Variants in MCF2L observed in about 807,000 individuals in gnomAD.
MCF2L encodes the protein MCF.2 cell line derived transforming sequence like.
In MCF2L, 97 loss-of-function variants were observed where a neutral mutation model predicts 153.4. The observed-to-expected ratio is 0.63, with a 90% confidence interval of 0.54 to 0.75. The LOEUF is 0.75. Ranked by LOEUF, MCF2L falls within the 30% of genes least tolerant of loss-of-function variation. The pLI, the probability that MCF2L is intolerant of heterozygous loss-of-function variation, is 0.00. For missense variants in MCF2L, 1,347 were observed against 1,495.2 expected, an observed-to-expected ratio of 0.90 and a Z score of 1.64; for synonymous variants, 659 against 632.2, an observed-to-expected ratio of 1.04 and a Z score of -0.64.
In MCF2L at chr13:113,045,755, C is replaced by T. The variant is rs1419313453; in HGVS notation, c.369+394C>T. ...GCTGTGACACTGAACGAGCCACCAC[C>T]GCCTCCCTTCCCCAGTGGGATTGAA... On this transcript the variant is annotated intron_variant, in intron 4 of 29. Coordinates refer to ENST00000535094, the MANE Select transcript of MCF2L (RefSeq NM_001112732.3). This position sits in a 1 kb window ranked among gnomAD's most constrained non-coding sequence, Gnocchi z 4.2. 1.2e-5 allele frequency: 3 copies of T among 246,428 alleles called. No homozygotes were observed. The highest frequency in any genetic ancestry group is 6.5e-5 in the South Asian group (1 of 15,356). The allele number at this position is 246,428 out of a possible 1,614,324, so 15.3% of individuals were successfully genotyped here. A position where few individuals can be genotyped will look rare whatever the true frequency, so the allele number is the denominator to read the frequency against.
In MCF2L at chr13:113,065,090, A is replaced by G. The variant is rs780954643; in HGVS notation, c.756+5A>G. 5 of 1,401,240 alleles carry G rather than the reference A, an allele frequency of 3.6e-6. No homozygotes were observed. Among genetic ancestry groups the G allele is most frequent in the Admixed American group, 2.0e-5 (1 of 51,018 alleles). The allele number at this position is 1,401,240 out of a possible 1,614,324, so 86.8% of individuals were successfully genotyped here. On this transcript the variant is annotated splice_donor_5th_base_variant and intron_variant, in intron 7 of 29. Transcript: ENST00000535094. ...GAGAAGAAGGACAAGGCGAAGGTAC[A>G]TGGGGGGTGCTCCGGCTGGAAGCTG... is the stretch of plus-strand genomic sequence containing the variant.
intron 1 of MCF2L, among the ~76,000 whole-genome samples, chr13:112,990,683 G>T: frequency 6.6e-6 from 1 of 152,238 alleles, no homozygotes; most frequent in Non-Finnish European, 1.5e-5. Context: ...AAATGAATTA[G>T]CAGAAGATGA....
intron 3 of MCF2L, among the ~76,000 whole-genome samples, chr13:113,039,574 A>G (rs907148285): frequency 4.6e-5 from 7 of 152,244 alleles, no homozygotes; most frequent in African/African-American, 7.2e-5. Context: ...TGCACATCCA[A>G]TAAGAAACTT....
At chr13:112,955,846 C>T (rs2081750499) in intron 2 of MCF2L, among the ~76,000 whole-genome samples, 1 of 152,158 alleles carries the variant, frequency 6.6e-6, no homozygotes, top group Admixed American at 6.5e-5. Flanking sequence ...CAGGAGATCC[C>T]CAGAAACGCT....
At position 112,974,020 on chromosome 13, in the gene MCF2L, G is replaced by T. The variant is rs570264287; in HGVS notation, c.79+4562G>T. Among the ~76,000 whole-genome samples the T allele has an allele frequency of 5.9e-5, 9 of 152,118 alleles. No individual in the cohort carries two copies. In the East Asian group the frequency reaches 1.5e-3, roughly 26 times the overall value. On this transcript the variant is annotated intron_variant, in intron 1 of 29. Coordinates refer to ENST00000535094, the MANE Select transcript of MCF2L (RefSeq NM_001112732.3). ...TCCTGACTCTTCCACTGCCCCCTCTGACCCCATCCCCCACTGTTTCATCAG... is the reference window on the plus strand; with the variant it reads ...TCCTGACTCTTCCACTGCCCCCTCTTACCCCATCCCCCACTGTTTCATCAG...
At chr13:112,917,259 G>A (rs1443519540) in intron 2 of MCF2L, 1 of 453,660 alleles carries the variant, frequency 2.2e-6, no homozygotes, top group East Asian at 7.0e-5. Context: ...GTCTCCCAGA[G>A]CCGCGTCATC....
At position 112,920,215 on chromosome 13, in the gene MCF2L, G is replaced by A. The variant is rs116024816; in HGVS notation, c.169+17844G>A. Reference sequence around the variant, plus strand: ...AAGAGCTCACGTATGGGTACATGGCGGAGAGGTGGGAGGAGGCGTGTGTCT... The same window carrying A: ...AAGAGCTCACGTATGGGTACATGGCAGAGAGGTGGGAGGAGGCGTGTGTCT... On this transcript the variant is annotated intron_variant, in intron 2 of 29. Coordinates refer to the MCF2L transcript ENST00000375608. Among the ~76,000 whole-genome samples, 61 of 152,318 alleles carry A rather than the reference G, an allele frequency of 4.0e-4. No homozygotes were observed. In the East Asian group the frequency reaches 5.4e-3, roughly 14 times the overall value.
At chr13:113,017,118 G>A (rs1412966416) in intron 2 of MCF2L, among the ~76,000 whole-genome samples, 2 of 152,194 alleles carry the variant, frequency 1.3e-5, no homozygotes, top group Non-Finnish European at 1.5e-5. Context: ...TGGCAGCCTC[G>A]GGTGTGTGCG....
intron 3 of MCF2L, among the ~76,000 whole-genome samples, chr13:113,037,540 T>C (rs1294512975): frequency 6.6e-6 from 1 of 152,202 alleles, no homozygotes; most frequent in Non-Finnish European, 1.5e-5. Context: ...GGAAACAGGT[T>C]CAAAACCCAC....
rs1037312344 is a variant in MCF2L, at chr13:112,907,105, C to T, written c.169+4734C>T. Among the ~76,000 whole-genome samples the T allele has an allele frequency of 6.6e-6, 1 of 152,084 alleles. No homozygotes were observed. The highest frequency in any genetic ancestry group is 1.5e-5 in the Non-Finnish European group (1 of 68,016). ...ATTCCATGGCTGGACCTAATACTTC[C>T]ATGCTTTATGGTAGGAGATTACACA... On this transcript the variant is annotated intron_variant, in intron 2 of 29. Coordinates refer to the MCF2L transcript ENST00000375608. The surrounding 1 kb of genome is among the most constrained non-coding windows in gnomAD (Gnocchi z 5.1).
intron 3 of MCF2L, among the ~76,000 whole-genome samples, chr13:113,036,575 G>A (rs541532843): frequency 6.6e-6 from 1 of 152,338 alleles, no homozygotes; most frequent in South Asian, 2.1e-4. Flanking sequence ...GGGGGCAAGT[G>A]CGGGGTGGGT....
intron 1 of MCF2L, among the ~76,000 whole-genome samples, chr13:113,014,275 G>A (rs922593431): frequency 1.3e-5 from 2 of 152,354 alleles, no homozygotes; most frequent in Non-Finnish European, 2.9e-5. Context: ...ACAGACCCCC[G>A]AGGGTCCTGT....
At position 113,046,708 on chromosome 13, in the gene MCF2L, G is replaced by C; in HGVS notation, c.369+1347G>C. On this transcript the variant is annotated intron_variant, in intron 4 of 29. Coordinates refer to ENST00000535094, the MANE Select transcript of MCF2L (RefSeq NM_001112732.3). This position sits in a 1 kb window ranked among gnomAD's most constrained non-coding sequence, Gnocchi z 4.4. Reference sequence around the variant, plus strand: ...AGTCTTTAGGATGAGGCATCTCCTTGCACCCCCACGGCACCTCTCTGCCCC... The same window carrying C: ...AGTCTTTAGGATGAGGCATCTCCTTCCACCCCCACGGCACCTCTCTGCCCC... 3.8e-6 allele frequency: 2 copies of C among 522,950 alleles called. No homozygotes were observed. The highest frequency in any genetic ancestry group is 7.9e-6 in the Non-Finnish European group (2 of 253,860). 32.4% of individuals were successfully genotyped at this position (522,950 alleles called of 1,614,324 possible). A position where few individuals can be genotyped will look rare whatever the true frequency, so the allele number is the denominator to read the frequency against.
At chr13:112,901,813 A>G (rs2081122090) in intron 1 of MCF2L, among the ~76,000 whole-genome samples, 1 of 152,260 alleles carries the variant, frequency 6.6e-6, no homozygotes, top group African/African-American at 2.4e-5. Context: ...ACTGATTTTG[A>G]AAGTTTGCCA....
chr13:113,017,430 G>A (rs1566742384), intron 2 of MCF2L, among the ~76,000 whole-genome samples: 4 of 152,128 alleles, frequency 2.6e-5, no homozygotes, highest in East Asian at 1.9e-4. Flanking sequence ...CCTTTCTCCC[G>A]GGACACCCGT....
chr13:113,003,473 G>T (rs918698347), intron 1 of MCF2L, among the ~76,000 whole-genome samples: 1 of 152,054 alleles, frequency 6.6e-6, no homozygotes, highest in Non-Finnish European at 1.5e-5. Flanking sequence ...TGGCTGTGGG[G>T]CACCGTGGAA....
intron 2 of MCF2L, among the ~76,000 whole-genome samples, chr13:113,016,296 G>A (rs2084509271): frequency 6.6e-6 from 1 of 152,212 alleles, no homozygotes; most frequent in South Asian, 2.1e-4. Flanking sequence ...TTTGACACAA[G>A]GGGGTTCTCT....
chr13:113,053,077 C>T lies in MCF2L; in HGVS notation c.370-7516C>T, dbSNP rs2087474838. Among the ~76,000 whole-genome samples the T allele has an allele frequency of 6.6e-6, 1 of 152,204 alleles. No individual in the cohort carries two copies. The highest frequency in any genetic ancestry group is 6.5e-5 in the Admixed American group (1 of 15,282). ...TGCTGGTGAGAGCCGGCTCTGCCAT[C>T]GTGTCAGTTCATCCCGGATTGCTGA... is the stretch of plus-strand genomic sequence containing the variant. On this transcript the variant is annotated intron_variant, in intron 4 of 29. Transcript: ENST00000535094. The surrounding 1 kb of genome is among the most constrained non-coding windows in gnomAD (Gnocchi z 4.4).
At position 113,085,071 on chromosome 13, in the gene MCF2L, C is replaced by T. The variant is rs1221247633; in HGVS notation, c.2155-15C>T. 4 of 1,613,416 alleles carry T rather than the reference C, an allele frequency of 2.5e-6. No individual in the cohort carries two copies. The highest frequency in any genetic ancestry group is 2.5e-6 in the Non-Finnish European group (3 of 1,179,644). ...ATGAAAATTGTGCAAACCAAAGGCT[C>T]TGGGTTGGTTCCAGGAATGCCAGAG... On this transcript the variant is annotated splice_polypyrimidine_tract_variant and intron_variant, in intron 19 of 29. Transcript: ENST00000535094.
Sources: gnomAD v4.1 joint callset for allele counts (sites outside exome capture counted in the v4.1 genomes callset) on GRCh38, gnomAD v4.1.1 for gene constraint, Gnocchi (gnomAD v3.1) non-coding constraint, MANE v1.5 for transcripts, NCBI Gene and HGNC (gene_info 2026-07-23, HGNC 2026-07-21) for gene names.